The following ZNF385D variants were observed in gnomAD, a reference collection of about 807,000 sequenced individuals.
The protein encoded by ZNF385D is zinc finger protein 659.
ZNF385D carries 15 observed loss-of-function variants against 35.8 expected under a neutral mutation model. The observed-to-expected ratio is 0.42, with a 90% CI of 0.28 to 0.64. The LOEUF is 0.64. Ranked by LOEUF, ZNF385D falls within the 30% of genes least tolerant of loss-of-function variation. ZNF385D has a pLI of 0.23. For synonymous variants in ZNF385D, 212 were observed against 186.8 expected, an observed-to-expected ratio of 1.13 and a Z score of -1.10; for missense variants, 474 against 494.6, an observed-to-expected ratio of 0.96 and a Z score of 0.39.
chr3:21,471,854 T>C (rs935572771), intron 4 of ZNF385D, among the ~76,000 whole-genome samples: 14 of 152,226 alleles, frequency 9.2e-5, no homozygotes, highest in Admixed American at 5.2e-4. Context: ...TATTATTTGC[T>C]GGTTATGTTT....
chr3:21,968,957 G>T (rs1703075745), intron 3 of ZNF385D, among the ~76,000 whole-genome samples: 1 of 152,172 alleles, frequency 6.6e-6, no homozygotes, highest in Non-Finnish European at 1.5e-5. Flanking sequence ...GGATGATATT[G>T]CTGGACTTGG....
chr3:22,096,284 T>C (rs1701618549), intron 3 of ZNF385D, among the ~76,000 whole-genome samples: 1 of 151,964 alleles, frequency 6.6e-6, no homozygotes, highest in Non-Finnish European at 1.5e-5. Context: ...TATACCCAGG[T>C]ATCAAACCTG....
chr3:21,789,543 C>T (rs1187505393), intron 3 of ZNF385D, among the ~76,000 whole-genome samples: 3 of 152,144 alleles, frequency 2.0e-5, no homozygotes, highest in East Asian at 1.9e-4. Flanking sequence ...TGTAAGCACA[C>T]ACACATATAT....
chr3:21,941,498 T>C (rs1223790899), intron 3 of ZNF385D, among the ~76,000 whole-genome samples: 2 of 133,326 alleles, frequency 1.5e-5, no homozygotes, highest in African/African-American at 5.7e-5. Context: ...CTCTTTTTTT[T>C]TTTTTTTTTT....
chr3:21,917,575 G>C (rs1264749431), intron 3 of ZNF385D, among the ~76,000 whole-genome samples: 3 of 152,194 alleles, frequency 2.0e-5, no homozygotes, highest in Admixed American at 2.0e-4. Context: ...TGTTCTTTAA[G>C]AGTTTCATGT....
chr3:22,155,230 C>G (rs749306077), intron 3 of ZNF385D, among the ~76,000 whole-genome samples: 1 of 151,944 alleles, frequency 6.6e-6, no homozygotes, highest in South Asian at 2.1e-4. Flanking sequence ...GAGAGAAGTA[C>G]AGAAAAACAT....
At chr3:22,294,677 T>G (rs1312695819) in intron 2 of ZNF385D, among the ~76,000 whole-genome samples, 1 of 152,078 alleles carries the variant, frequency 6.6e-6, no homozygotes, top group South Asian at 2.1e-4. Context: ...TTGATGAGTG[T>G]GCTACTAAAT....
chr3:22,235,134 T>C (rs1424704216), intron 2 of ZNF385D, among the ~76,000 whole-genome samples: 1 of 152,086 alleles, frequency 6.6e-6, no homozygotes, highest in African/African-American at 2.4e-5. Context: ...TATGTGTGTG[T>C]GTGCAGCAAA....
At chr3:22,003,290 G>A (rs1305564815) in intron 3 of ZNF385D, among the ~76,000 whole-genome samples, 1 of 152,054 alleles carries the variant, frequency 6.6e-6, no homozygotes, top group Non-Finnish European at 1.5e-5. Context: ...TAATGAACTA[G>A]CCAAAACAGA....
At chr3:21,700,436 T>C (rs566844423) in intron 1 of ZNF385D, among the ~76,000 whole-genome samples, 20 of 152,382 alleles carry the variant, frequency 1.3e-4, no homozygotes, top group South Asian at 6.2e-4. Flanking sequence ...CCTGGACTTA[T>C]ATAGATAAGC....
intron 2 of ZNF385D, among the ~76,000 whole-genome samples, chr3:21,639,866 T>C (rs2065551216): frequency 6.6e-6 from 1 of 152,048 alleles, no homozygotes; most frequent in Non-Finnish European, 1.5e-5. Context: ...GAGAAATTCC[T>C]TTACCATACT....
At chr3:22,229,821 G>T (rs1010570858) in intron 2 of ZNF385D, among the ~76,000 whole-genome samples, 1 of 152,022 alleles carries the variant, frequency 6.6e-6, no homozygotes, top group Non-Finnish European at 1.5e-5. Flanking sequence ...GGGCAATGCT[G>T]CTTATCCCGT....
At chr3:22,186,288 A>T (rs116821040) in intron 2 of ZNF385D, among the ~76,000 whole-genome samples, 1 of 152,202 alleles carries the variant, frequency 6.6e-6, no homozygotes, top group African/African-American at 2.4e-5. Context: ...CCAGACGAGC[A>T]TGAGTTCAGA....
chr3:21,465,431 C>T lies in ZNF385D; in HGVS notation c.440-28228G>A, dbSNP rs1365861050. 6.6e-6 allele frequency among the ~76,000 whole-genome samples: 1 copy of T among 152,176 alleles called. No homozygotes were observed. Among genetic ancestry groups the T allele is most frequent in the Non-Finnish European group, 1.5e-5 (1 of 68,028 alleles). ...GTTGGAAGAGAAAGTTTCTTCTGCTCTTCCCAAGAGGGCCACAGCCTCTCA... is the reference window on the plus strand; with the variant it reads ...GTTGGAAGAGAAAGTTTCTTCTGCTTTTCCCAAGAGGGCCACAGCCTCTCA... On this transcript the variant is annotated intron_variant, in intron 4 of 7. Transcript: ENST00000281523. This position sits in a 1 kb window ranked among gnomAD's most constrained non-coding sequence, Gnocchi z 4.2.
intron 2 of ZNF385D, among the ~76,000 whole-genome samples, chr3:22,247,300 TA>T (rs1699836571): frequency 6.6e-6 from 1 of 151,940 alleles, no homozygotes; most frequent in African/African-American, 2.4e-5. Flanking sequence ...TTTTCTTAAA[TA>T]AAAAAACTAA....
chr3:21,764,361 G>A (rs923659829), intron 3 of ZNF385D, among the ~76,000 whole-genome samples: 4 of 152,152 alleles, frequency 2.6e-5, no homozygotes, highest in Non-Finnish European at 4.4e-5. Flanking sequence ...TTTCAGGGAA[G>A]TAATGGGCCT....
chr3:22,084,998 G>A (rs1177942621), intron 3 of ZNF385D, among the ~76,000 whole-genome samples: 1 of 152,096 alleles, frequency 6.6e-6, no homozygotes, highest in Non-Finnish European at 1.5e-5. Flanking sequence ...TGAAATGAAG[G>A]CAGAAATAAA....
intron 3 of ZNF385D, among the ~76,000 whole-genome samples, chr3:21,541,819 T>C (rs987075839): frequency 6.6e-6 from 1 of 152,184 alleles, no homozygotes; most frequent in Non-Finnish European, 1.5e-5. Context: ...TTTCTACTTT[T>C]GGTTTCTATA....
intron 3 of ZNF385D, among the ~76,000 whole-genome samples, chr3:21,835,157 G>A (rs1159961851): frequency 2.6e-5 from 4 of 151,876 alleles, no homozygotes; most frequent in African/African-American, 7.3e-5. Context: ...TCTACTAAAG[G>A]TACTATCATA....
Sources: allele counts gnomAD v4.1 joint callset (sites outside exome capture counted in the v4.1 genomes callset), GRCh38; gene constraint gnomAD v4.1.1; non-coding constraint Gnocchi (gnomAD v3.1); transcripts MANE v1.5; gene names NCBI Gene and HGNC (gene_info 2026-07-23, HGNC 2026-07-21).